Variants in PRKN observed in about 807,000 individuals in gnomAD.
PRKN encodes the protein E3 ubiquitin-protein ligase parkin.
A neutral mutation model predicts 59.5 loss-of-function variants in PRKN; 56 were observed. That is an observed-to-expected ratio of 0.94 (90% CI 0.76 to 1.18). PRKN has a LOEUF of 1.18. PRKN is among the 50% of genes most tolerant of loss of function. The probability of loss-of-function intolerance (pLI) is 0.00; values close to 1 mark genes in which losing one functional copy is unlikely to be tolerated. For synonymous variants in PRKN, 250 were observed against 222.1 expected (o/e 1.13, Z -1.12); for missense variants, 657 against 596.4 (o/e 1.10, Z -1.06).
chr6:161,897,984 A>AAAAAAAAAAAAAAAG lies in PRKN; in HGVS notation c.734+75317_734+75318insCTTTTTTTTTTTTTT, dbSNP rs1554244227. 2.6e-5 allele frequency among the ~76,000 whole-genome samples: 3 copies of AAAAAAAAAAAAAAAG among 117,614 alleles called. 1 individual carries two copies. The highest frequency in any genetic ancestry group is 5.2e-4 in the South Asian group (2 of 3,832). 77.2% of individuals were successfully genotyped at this position (117,614 alleles called of 152,430 possible). A position where few individuals can be genotyped will look rare whatever the true frequency, so the allele number is the denominator to read the frequency against. ...TCCGTCTCAAAAAAAAAAAAAAAAA[A>AAAAAAAAAAAAAAAG]GTCTCCCAGTTGCATAGAAAAGGTT... On this transcript the variant is annotated intron_variant, in intron 6 of 11. Coordinates refer to ENST00000366898, the MANE Select transcript of PRKN (RefSeq NM_004562.3).
chr6:162,637,915 T>G (rs1449286685), intron 1 of PRKN, among the ~76,000 whole-genome samples: 1 of 152,132 alleles, frequency 6.6e-6, no homozygotes, highest in Non-Finnish European at 1.5e-5. Context: ...TGCATAAAAC[T>G]ATGGCCCTAA....
chr6:161,609,839 A>C (rs1782423057), intron 7 of PRKN, among the ~76,000 whole-genome samples: 1 of 152,224 alleles, frequency 6.6e-6, no homozygotes, highest in Admixed American at 6.5e-5. Flanking sequence ...CCAGTCACCA[A>C]GAACCTGCTG....
intron 6 of PRKN, among the ~76,000 whole-genome samples, chr6:161,902,303 A>C (rs1777947495): frequency 6.6e-6 from 1 of 152,122 alleles, no homozygotes; most frequent in African/African-American, 2.4e-5. Context: ...GGCTCAGAAG[A>C]GACTGGCTTC....
intron 1 of PRKN, among the ~76,000 whole-genome samples, chr6:162,464,659 C>CAAAAAAAAAAA (rs1164797005): frequency 2.4e-4 from 19 of 79,758 alleles, no homozygotes; most frequent in Non-Finnish European, 3.9e-4. Flanking sequence ...ACTAAAAATA[C>CAAAAAAAAAAA]AAAAAAAAAA....
At chr6:161,602,117 T>G (rs1782130060) in intron 7 of PRKN, among the ~76,000 whole-genome samples, 1 of 152,086 alleles carries the variant, frequency 6.6e-6, no homozygotes, top group Non-Finnish European at 1.5e-5. Context: ...TCTATCTATC[T>G]ATCTATCTAT....
At chr6:161,950,287 G>A (rs948344342) in intron 6 of PRKN, among the ~76,000 whole-genome samples, 31 of 152,202 alleles carry the variant, frequency 2.0e-4, no homozygotes, top group African/African-American at 5.8e-4. Flanking sequence ...GCTTATGCCT[G>A]TAATCCCAGC....
At chr6:161,366,376 A>T (rs1785199274) in intron 10 of PRKN, among the ~76,000 whole-genome samples, 1 of 152,196 alleles carries the variant, frequency 6.6e-6, no homozygotes, top group South Asian at 2.1e-4. Context: ...CCAAGGAGTC[A>T]AGGACCCCCT....
Position 162,351,149 on chromosome 6 carries a change from C to A in PRKN, c.172-88384G>T, listed in dbSNP as rs148865394. On this transcript the variant is annotated intron_variant, in intron 2 of 11. Coordinates refer to ENST00000366898, the MANE Select transcript of PRKN (RefSeq NM_004562.3). ...GAGTCTGCAGTGATCCATGATCCTG[C>A]CACTGTACTCCGGCCTGGGCCACAG... Among the ~76,000 whole-genome samples the A allele has an allele frequency of 2.9e-3, 441 of 152,182 alleles. 8 individuals are homozygous for A. In the East Asian group the frequency reaches 0.043, roughly 15 times the overall value.
chr6:161,631,340 C>T (rs529819484), intron 7 of PRKN, among the ~76,000 whole-genome samples: 2 of 152,284 alleles, frequency 1.3e-5, no homozygotes, highest in African/African-American at 4.8e-5. Context: ...CTCTACAAGA[C>T]CCGAAATACA....
Position 162,317,574 on chromosome 6 carries a change from T to C in PRKN, c.172-54809A>G, listed in dbSNP as rs193160964. Among the ~76,000 whole-genome samples the C allele has an allele frequency of 7.2e-5, 11 of 152,232 alleles. 1 individual carries two copies. The East Asian group carries it at 1.8e-3, about 24-fold the overall frequency. ...TTGTACTGTGTTTGTTTTCCCTATG[T>C]CTTGGGAACAGATGTATCAGAAACT... On this transcript the variant is annotated intron_variant, in intron 2 of 11. Transcript: ENST00000366898.
At chr6:161,469,305 C>T (rs1207067544) in intron 9 of PRKN, among the ~76,000 whole-genome samples, 2 of 152,180 alleles carry the variant, frequency 1.3e-5, no homozygotes, top group Non-Finnish European at 1.5e-5. Flanking sequence ...CTCTCTCCTG[C>T]CACCCTGTGA....
chr6:161,739,749 T>G (rs1054588757), intron 7 of PRKN, among the ~76,000 whole-genome samples: 1 of 152,154 alleles, frequency 6.6e-6, no homozygotes, highest in African/African-American at 2.4e-5. Flanking sequence ...AACAATTTTT[T>G]TTCTTGTTTC....
intron 7 of PRKN, among the ~76,000 whole-genome samples, chr6:161,646,707 T>C (rs1340901950): frequency 1.3e-5 from 2 of 152,218 alleles, no homozygotes; most frequent in Non-Finnish European, 2.9e-5. Flanking sequence ...TGCAGCCTCC[T>C]AAGCCATGGA....
At chr6:162,458,303 G>A (rs1170225680) in intron 1 of PRKN, among the ~76,000 whole-genome samples, 2 of 145,650 alleles carry the variant, frequency 1.4e-5, no homozygotes, top group Admixed American at 1.4e-4. Flanking sequence ...GCACGTGCCT[G>A]TAATCCCAGC....
At chr6:162,642,733 T>A (rs1473849559) in intron 1 of PRKN, among the ~76,000 whole-genome samples, 1 of 151,728 alleles carries the variant, frequency 6.6e-6, no homozygotes, top group Admixed American at 6.6e-5. Context: ...GTTATATAAC[T>A]TTTTTCTTAA....
At chr6:162,213,653 T>C (rs988841763) in intron 3 of PRKN, among the ~76,000 whole-genome samples, 8 of 152,074 alleles carry the variant, frequency 5.3e-5, no homozygotes, top group Admixed American at 1.3e-4. Context: ...GAGAATTGCT[T>C]GAGCCTGGGA....
Position 162,025,354 on chromosome 6 carries a change from C to T in PRKN, c.618+28737G>A, listed in dbSNP as rs191719310. Among the ~76,000 whole-genome samples, 680 of 152,156 alleles carry T rather than the reference C, an allele frequency of 4.5e-3. 5 individuals are homozygous for T. Among genetic ancestry groups the T allele is most frequent in the African/African-American group, 0.015 (641 of 41,530 alleles). On this transcript the variant is annotated intron_variant, in intron 5 of 11. Transcript: ENST00000366898. ...TAAATAATTTCAGAAGATTAGTATA[C>T]TCTCATTTGACCATCAAATCTGCAA...
intron 5 of PRKN, among the ~76,000 whole-genome samples, chr6:162,009,112 G>A (rs1782378848): frequency 6.6e-6 from 1 of 151,848 alleles, no homozygotes; most frequent in Non-Finnish European, 1.5e-5. Flanking sequence ...AATTAGCCGG[G>A]TGTGGTGGTG....
At chr6:162,012,239 T>C (rs1465966789) in intron 5 of PRKN, among the ~76,000 whole-genome samples, 1 of 152,174 alleles carries the variant, frequency 6.6e-6, no homozygotes, top group Non-Finnish European at 1.5e-5. Context: ...GCAAAAATTG[T>C]ACAAAGAACT....
Sources: allele counts gnomAD v4.1 joint callset (sites outside exome capture counted in the v4.1 genomes callset), GRCh38; gene constraint gnomAD v4.1.1; transcripts MANE v1.5; gene names NCBI Gene and HGNC (gene_info 2026-07-23, HGNC 2026-07-21).